Variants in DACH1 observed in about 807,000 individuals in gnomAD.
The protein encoded by DACH1 is dachshund family transcription factor 1, also known as dachshund homolog 1.
A neutral mutation model predicts 54.2 loss-of-function variants in DACH1; 12 were observed. The ratio of observed to expected loss-of-function variants is 0.22; its 90% CI spans 0.14 to 0.36. The LOEUF (loss-of-function observed/expected upper bound fraction) is 0.36, where lower values mean the gene tolerates loss of function less well. Ranked by LOEUF, DACH1 falls within the 10% of genes least tolerant of loss-of-function variation. The pLI is 1.00. For missense variants in DACH1, 805 were observed against 929.8 expected, an observed-to-expected ratio of 0.87 and a Z score of 1.75; for synonymous variants, 386 against 366.2, an observed-to-expected ratio of 1.05 and a Z score of -0.62.
rs148669961 is a variant in DACH1 at position 71,858,484 on chromosome 13, TA to T, written c.848+7437del. 3.5e-3 allele frequency among the ~76,000 whole-genome samples: 526 copies of T among 151,918 alleles called. 1 individual carries two copies. Among genetic ancestry groups the T allele is most frequent in the Middle Eastern group, 6.8e-3 (2 of 294 alleles). ...AAATCATGCTTTAAAAGTATATCCA[TA>T]TTTTTTTTGTCAAAAATATAGGCTA... On this transcript the variant is annotated intron_variant, in intron 1 of 10. Transcript: ENST00000613252.
At chr13:71,848,281 A>C (rs1873422075) in intron 1 of DACH1, among the ~76,000 whole-genome samples, 1 of 152,178 alleles carries the variant, frequency 6.6e-6, no homozygotes, top group South Asian at 2.1e-4. Context: ...CAAAAATTTA[A>C]CCATGTTAAT....
At chr13:71,603,635 AAT>A (rs1168451376) in intron 3 of DACH1, among the ~76,000 whole-genome samples, 1 of 152,024 alleles carries the variant, frequency 6.6e-6, no homozygotes, top group East Asian at 1.9e-4. Context: ...GAAACGATAA[AAT>A]AGTGTCTAGT....
At chr13:71,683,198 A>T (rs1439864390) in intron 1 of DACH1, among the ~76,000 whole-genome samples, 1 of 152,138 alleles carries the variant, frequency 6.6e-6, no homozygotes, top group Non-Finnish European at 1.5e-5. Flanking sequence ...AGAAGTTTGT[A>T]TTCTTGCCAA....
At chr13:71,804,055 A>C (rs1887391273) in intron 1 of DACH1, among the ~76,000 whole-genome samples, 1 of 152,178 alleles carries the variant, frequency 6.6e-6, no homozygotes, top group South Asian at 2.1e-4. Flanking sequence ...GTAGTGGCTC[A>C]CATAGGTAAT....
chr13:71,462,237 G>T (rs529539758), intron 10 of DACH1, among the ~76,000 whole-genome samples: 49 of 151,948 alleles, frequency 3.2e-4, no homozygotes, highest in African/African-American at 1.1e-3. Context: ...CATATTAGGA[G>T]AAATTTGCCA....
chr13:71,681,935 T>G (rs746960928), intron 1 of DACH1, 25 bp from the exon 2 acceptor site: 6 of 1,471,170 alleles, frequency 4.1e-6, no homozygotes, highest in South Asian at 1.2e-5. Flanking sequence ...CAAAAAATTT[T>G]TACAATTAAG....
At chr13:71,458,505 T>C (rs1875784935) in intron 10 of DACH1, among the ~76,000 whole-genome samples, 1 of 151,786 alleles carries the variant, frequency 6.6e-6, no homozygotes, top group African/African-American at 2.4e-5. Context: ...TTACATCTCT[T>C]AGGGAAAAAA....
intron 1 of DACH1, among the ~76,000 whole-genome samples, chr13:71,742,069 T>C (rs1292607964): frequency 6.6e-6 from 1 of 152,162 alleles, no homozygotes; most frequent in Non-Finnish European, 1.5e-5. Flanking sequence ...TTAATGACAA[T>C]GAATAAGTCT....
In DACH1 at chr13:71,862,207, G is replaced by T. The variant is rs57429365; in HGVS notation, c.848+3715C>A. On this transcript the variant is annotated intron_variant, in intron 1 of 10. Transcript: ENST00000613252. ...AAATTATCTTCTTACAACAATGAAA[G>T]AAATGAATATTTTAGATAACATAAT... 6.0e-3 allele frequency among the ~76,000 whole-genome samples: 918 copies of T among 151,978 alleles called. 12 individuals carry two copies. Among genetic ancestry groups the T allele is most frequent in the African/African-American group, 0.02 (842 of 41,510 alleles).
intron 1 of DACH1, among the ~76,000 whole-genome samples, chr13:71,735,793 G>A (rs189108703): frequency 2.8e-3 from 428 of 151,828 alleles, no homozygotes; most frequent in Admixed American, 4.5e-3. Context: ...TTCCCATAAG[G>A]TAATCCATTT....
chr13:71,712,545 G>A (rs947605793), intron 1 of DACH1, among the ~76,000 whole-genome samples: 2 of 152,094 alleles, frequency 1.3e-5, no homozygotes, highest in African/African-American at 4.8e-5. Context: ...ATTTCTGCAA[G>A]TTTAGGTTGT....
chr13:71,496,923 A>C (rs1221212575), intron 6 of DACH1, among the ~76,000 whole-genome samples: 1 of 152,182 alleles, frequency 6.6e-6, no homozygotes. Flanking sequence ...TCTGGATTTA[A>C]AGTTACTCCA....
At chr13:71,780,323 T>G (rs1194791939) in intron 1 of DACH1, among the ~76,000 whole-genome samples, 1 of 152,170 alleles carries the variant, frequency 6.6e-6, no homozygotes, top group Non-Finnish European at 1.5e-5. Flanking sequence ...ATTAACATTT[T>G]TATGTGATCA....
At chr13:71,617,292 T>C (rs1291306898) in intron 3 of DACH1, among the ~76,000 whole-genome samples, 2 of 152,226 alleles carry the variant, frequency 1.3e-5, no homozygotes, top group East Asian at 1.9e-4. Context: ...CTGTCTACTG[T>C]ATTACCTGTT....
intron 6 of DACH1, among the ~76,000 whole-genome samples, chr13:71,518,009 C>T (rs1881290973): frequency 6.6e-6 from 1 of 151,812 alleles, no homozygotes; most frequent in Non-Finnish European, 1.5e-5. Flanking sequence ...ACCAACTACT[C>T]TACCTCTGTC....
intron 6 of DACH1, among the ~76,000 whole-genome samples, chr13:71,490,003 A>T (rs1370451054): frequency 1.3e-5 from 2 of 152,098 alleles, no homozygotes; most frequent in Non-Finnish European, 2.9e-5. Flanking sequence ...TTGTTTAACC[A>T]TTTTTACAGT....
chr13:71,592,025 C>T (rs1158452606), intron 3 of DACH1, among the ~76,000 whole-genome samples: 2 of 152,076 alleles, frequency 1.3e-5, no homozygotes, highest in Non-Finnish European at 2.9e-5. Context: ...AGGTAGCAGA[C>T]AAACTACAGA....
At chr13:71,457,112 A>C (rs2138130299) in intron 10 of DACH1, among the ~76,000 whole-genome samples, 1 of 152,216 alleles carries the variant, frequency 6.6e-6, no homozygotes, top group South Asian at 2.1e-4. Flanking sequence ...TCATCAAAAT[A>C]AGAATGCATT....
chr13:71,678,318 G>A (rs1381524395), intron 2 of DACH1, among the ~76,000 whole-genome samples: 1 of 152,174 alleles, frequency 6.6e-6, no homozygotes, highest in African/African-American at 2.4e-5. Context: ...TTTTAAGACA[G>A]TAAAGATATG....
Sources: gnomAD v4.1 joint callset for allele counts (sites outside exome capture counted in the v4.1 genomes callset) on GRCh38, gnomAD v4.1.1 for gene constraint, MANE v1.5 for transcripts, NCBI Gene and HGNC (gene_info 2026-07-23, HGNC 2026-07-21) for gene names.